STX5: variants seen among roughly 807,000 people sequenced by gnomAD.
STX5 encodes the protein syntaxin-5.
In STX5, 15 loss-of-function variants were observed where a neutral mutation model predicts 42.9. That is an observed-to-expected ratio of 0.35 (90% CI 0.23 to 0.54). The LOEUF (loss-of-function observed/expected upper bound fraction) is 0.54, where lower values mean the gene tolerates loss of function less well. Ranked by LOEUF, STX5 falls within the 20% of genes least tolerant of loss-of-function variation. STX5 has a pLI of 0.91. For missense variants in STX5, 430 were observed against 455.0 expected (o/e 0.95, Z 0.50); for synonymous variants, 184 against 173.2 (o/e 1.06, Z -0.49).
intron 10 of STX5, among the ~76,000 whole-genome samples, chr11:62,820,070 T>A (rs535514633): frequency 2.0e-5 from 3 of 151,096 alleles, no homozygotes; most frequent in Admixed American, 2.0e-4. Context: ...GGGACGGAGA[T>A]TAAAATATGG....
intron 10 of STX5, among the ~76,000 whole-genome samples, chr11:62,819,291 T>C: frequency 8.6e-6 from 1 of 115,682 alleles, no homozygotes; most frequent in East Asian, 2.5e-4. Flanking sequence ...ATTTAGTTAG[T>C]GAAAAAGATT....
In STX5 at chr11:62,807,459, TAG is replaced by T; in HGVS notation, c.*8_*9del. 1 of 1,611,642 alleles carries T rather than the reference TAG, an allele frequency of 6.2e-7. No homozygotes were observed. The highest frequency in any genetic ancestry group is 1.1e-5 in the South Asian group (1 of 90,834). ...CAAACCCCAACAGAGTGCCTCAGAG[TAG>T]AGAGGGTTCAAGCAAGGAAGACCAC... On this transcript the variant is annotated 3_prime_UTR_variant, in exon 11 of 11. Transcript: ENST00000294179.
chr11:62,825,612 T>C (rs2084787556), intron 5 of STX5, 73 bp from the exon 6 acceptor site: 1 of 1,344,348 alleles, frequency 7.4e-7, no homozygotes, highest in African/African-American at 1.4e-5. Context: ...ACGATGGCCA[T>C]CTCTGGTAGG....
Position 62,831,049 on chromosome 11 carries a change from C to T in STX5, c.195G>A (p.Leu65=). 6.4e-7 allele frequency: 1 copy of T among 1,554,662 alleles called. No individual in the cohort carries two copies. The highest frequency in any genetic ancestry group is 8.7e-7 in the Non-Finnish European group (1 of 1,149,616). Residue 65 remains leucine (L), a synonymous_variant, in exon 2 of 11, where the codon CTG becomes CTA. Transcript: ENST00000294179. ...MSCRDRTQEF[L]SACKSLQTRQ... is the part of the protein sequence containing the mutation. Reference sequence around the variant, plus strand: ...GGGTCTGCAGCGACTTGCAGGCAGACAGAAACTCCTGGGTCCGATCCCGGC... The same window carrying T: ...GGGTCTGCAGCGACTTGCAGGCAGATAGAAACTCCTGGGTCCGATCCCGGC...
intron 2 of STX5, among the ~76,000 whole-genome samples, 165 bp downstream of exon 2, chr11:62,830,854 G>A (rs1320962957): frequency 2.0e-5 from 3 of 152,166 alleles, no homozygotes; most frequent in Non-Finnish European, 4.4e-5. Context: ...TAGTTAGCCA[G>A]CCGACCTCTT....
intron 8 of STX5, 150 bp from the exon 9 acceptor site, chr11:62,824,715 C>T (rs2084775985): frequency 4.3e-6 from 3 of 704,924 alleles, no homozygotes; most frequent in Non-Finnish European, 7.1e-6. Flanking sequence ...GTTTCCTCAC[C>T]TGTAAAATGG....
rs2084768326 is a variant in STX5 at position 62,824,153 on chromosome 11, G to T, written c.908+13C>A. ...GAAAGCTCCTCTGTTTGGGGCGAGA[G>T]AGTGTATCTCACCTCTGAATGGTTT... is the stretch of plus-strand genomic sequence containing the variant. On this transcript the variant is annotated intron_variant, in intron 10 of 10. Coordinates refer to ENST00000294179, the MANE Select transcript of STX5 (RefSeq NM_003164.5). 6.2e-7 allele frequency: 1 copy of T among 1,614,096 alleles called. No homozygotes were observed. Among genetic ancestry groups the T allele is most frequent in the Non-Finnish European group, 8.5e-7 (1 of 1,180,034 alleles).
rs1297568142 is a variant in STX5, at chr11:62,816,740, A to AG, written c.908+7425_908+7426insC. Among the ~76,000 whole-genome samples the AG allele has an allele frequency of 8.1e-5, 5 of 61,824 alleles. No homozygotes were observed. The East Asian group carries it at 2.4e-3, about 29-fold the overall frequency. The allele number at this position is 61,824 out of a possible 152,430, so 40.6% of individuals were successfully genotyped here. On this transcript the variant is annotated intron_variant, in intron 10 of 10. Transcript: ENST00000294179. ...CTTTACTGAAAAAAAAAAAAAAAAA[A>AG]AAGAAGAATTAGCTGGGTATGGGGT...
chr11:62,825,143 ACCTGAAG>A, intron 7 of STX5, 26 bp from the exon 8 acceptor site: 1 of 1,612,228 alleles, frequency 6.2e-7, no homozygotes, highest in Non-Finnish European at 8.5e-7. Flanking sequence ...AACGCAAAGG[ACCTGAAG>A]CCACTAGAAA....
intron 10 of STX5, among the ~76,000 whole-genome samples, chr11:62,809,673 C>CAAAAAAAAAAAAAAAAAAAAA (rs749188946): frequency 5.2e-5 from 1 of 19,178 alleles, no homozygotes; most frequent in Non-Finnish European, 1.1e-4. Context: ...GACTCTGTCT[C>CAAAAAAAAAAAAAAAAAAAAA]AAAAAAAAAA....
Position 62,807,615 on chromosome 11 carries a change from C to T in STX5, c.922G>A (p.Val308Met), listed in dbSNP as rs768254182. ...EETIQRIDEN[V>M]LGAQLDVEAA... ...TCAACGTCCAGCTGGGCTCCTAGCA[C>T]GTTCTCGTCGATCCTGGGGACAAGG... Residue 308 changes from valine to methionine, a missense_variant, in exon 11 of 11, where the codon GTG (valine) becomes ATG (methionine). Transcript: ENST00000294179. 6.2e-6 allele frequency: 10 copies of T among 1,614,056 alleles called. No homozygotes were observed. Among genetic ancestry groups the T allele is most frequent in the Middle Eastern group, 1.6e-4 (1 of 6,062 alleles).
chr11:62,825,003 C>G, intron 8 of STX5, 33 bp downstream of exon 8: 1 of 1,609,146 alleles, frequency 6.2e-7, no homozygotes, highest in Non-Finnish European at 8.5e-7. Context: ...GTAACCTTAC[C>G]TCCCAGGGCT....
intron 10 of STX5, 37 bp downstream of exon 10, chr11:62,824,128 GA>G: frequency 6.2e-7 from 1 of 1,613,874 alleles, no homozygotes; most frequent in Non-Finnish European, 8.5e-7. Flanking sequence ...ACGGGGAAGA[GA>G]AAGCTCCTCT....
At chr11:62,826,944 A>C (rs1049345718) in intron 5 of STX5, among the ~76,000 whole-genome samples, 5 of 151,758 alleles carry the variant, frequency 3.3e-5, no homozygotes, top group Non-Finnish European at 7.4e-5. Context: ...TCTACCACTC[A>C]GGAGGCTCAG....
Position 62,818,566 on chromosome 11 carries a change from A to G in STX5, c.908+5600T>C, listed in dbSNP as rs557239463. 3.6e-4 allele frequency among the ~76,000 whole-genome samples: 38 copies of G among 106,160 alleles called. 1 individual carries two copies. In the South Asian group the frequency reaches 9.8e-3, roughly 27 times the overall value. 69.6% of individuals were successfully genotyped at this position (106,160 alleles called of 152,430 possible). A position where few individuals can be genotyped will look rare whatever the true frequency, so the allele number is the denominator to read the frequency against. ...AACAAGAGCAAAAACTCTGTCTCAGAAAAAAAAAAAAAAAAGAATAAATCT... is the reference window on the plus strand; with the variant it reads ...AACAAGAGCAAAAACTCTGTCTCAGGAAAAAAAAAAAAAAAGAATAAATCT... On this transcript the variant is annotated intron_variant, in intron 10 of 10. Coordinates refer to ENST00000294179, the MANE Select transcript of STX5 (RefSeq NM_003164.5).
At chr11:62,826,209 C>T (rs947157237) in intron 5 of STX5, among the ~76,000 whole-genome samples, 3 of 151,806 alleles carry the variant, frequency 2.0e-5, no homozygotes, top group Admixed American at 6.6e-5. Context: ...GAGCCTAGAT[C>T]GCGCCACTGC....
chr11:62,811,373 C>T (rs1161094934), intron 10 of STX5, among the ~76,000 whole-genome samples: 1 of 152,174 alleles, frequency 6.6e-6, no homozygotes, highest in Non-Finnish European at 1.5e-5. Flanking sequence ...AATCCGCTTG[C>T]TTCTTCTTAT....
intron 10 of STX5, chr11:62,815,919 C>T (rs985492804): frequency 2.6e-5 from 4 of 151,958 alleles, no homozygotes; most frequent in Admixed American, 6.6e-5. Flanking sequence ...AAATAAATTG[C>T]GTGTCTTGGG....
rs1329975944 is a variant in STX5 at position 62,827,120 on chromosome 11, G to C, written c.423+35C>G. ...ACAGGAAGACAGAAGTGATCTGATT[G>C]GAATGCTGGGCTCTCCTGATGGCTA... On this transcript the variant is annotated intron_variant, in intron 5 of 10. Coordinates refer to ENST00000294179, the MANE Select transcript of STX5 (RefSeq NM_003164.5). 11 of 1,591,780 alleles carry C rather than the reference G, an allele frequency of 6.9e-6. No individual in the cohort carries two copies. The Admixed American group carries it at 1.5e-4, about 22-fold the overall frequency.
Sources: gnomAD v4.1 joint callset for allele counts (sites outside exome capture counted in the v4.1 genomes callset) on GRCh38, gnomAD v4.1.1 for gene constraint, MANE v1.5 for transcripts, NCBI Gene and HGNC (gene_info 2026-07-23, HGNC 2026-07-21) for gene names.